UGGT1: variants seen among roughly 807,000 people sequenced by gnomAD.
The protein encoded by UGGT1 is UDP-glucose:glycoprotein glucosyltransferase 1.
UGGT1 carries 107 observed loss-of-function variants against 203.9 expected under a neutral mutation model. The observed-to-expected ratio is 0.52, with a 90% CI of 0.45 to 0.62. The LOEUF (loss-of-function observed/expected upper bound fraction) is 0.62, where lower values mean the gene tolerates loss of function less well. Among genes scored for constraint, UGGT1 ranks in the 20% least tolerant of loss-of-function variants. UGGT1 has a pLI of 0.00. For synonymous variants in UGGT1, 628 were observed against 653.5 expected, an observed-to-expected ratio of 0.96 and a Z score of 0.59; for missense variants, 1,673 against 1,867.2, an observed-to-expected ratio of 0.90 and a Z score of 1.92.
intron 29 of UGGT1, among the ~76,000 whole-genome samples, chr2:128,173,062 G>C (rs1691194160): frequency 6.6e-6 from 1 of 152,044 alleles, no homozygotes; most frequent in African/African-American, 2.4e-5. Flanking sequence ...CCCAGCCCCT[G>C]GCAACTGCTG....
At chr2:128,094,798 G>A (rs1429190165) in intron 1 of UGGT1, among the ~76,000 whole-genome samples, 5 of 145,264 alleles carry the variant, frequency 3.4e-5, no homozygotes, top group Non-Finnish European at 7.4e-5. Flanking sequence ...GCCCAGGCTG[G>A]AGTGCAGTGG....
intron 32 of UGGT1, 89 bp downstream of exon 32, chr2:128,176,987 G>A: frequency 7.6e-7 from 1 of 1,319,916 alleles, no homozygotes; most frequent in Non-Finnish European, 1.1e-6. Flanking sequence ...AGTCTCTTTG[G>A]AATTTGCTAT....
intron 25 of UGGT1, among the ~76,000 whole-genome samples, chr2:128,164,179 C>A (rs1407556557): frequency 6.6e-6 from 1 of 151,960 alleles, no homozygotes; most frequent in Admixed American, 6.6e-5. Context: ...AACAAACAAA[C>A]AAAAATATTG....
chr2:128,168,358 C>T (rs1690900502), intron 26 of UGGT1, among the ~76,000 whole-genome samples: 1 of 152,184 alleles, frequency 6.6e-6, no homozygotes, highest in Non-Finnish European at 1.5e-5. Flanking sequence ...AGATCGAAAG[C>T]ACCTACCTCA....
chr2:128,130,709 A>T (rs1042539870), intron 13 of UGGT1, among the ~76,000 whole-genome samples: 1 of 152,078 alleles, frequency 6.6e-6, no homozygotes, highest in Non-Finnish European at 1.5e-5. Context: ...CTCCTTCCTG[A>T]AGTTCATATC....
chr2:128,164,238 T>G (rs568768764), intron 25 of UGGT1, among the ~76,000 whole-genome samples: 57 of 152,310 alleles, frequency 3.7e-4, no homozygotes, highest in Non-Finnish European at 7.1e-4. Flanking sequence ...ATAATATGTT[T>G]TTAAGTGAAA....
intron 3 of UGGT1, 52 bp downstream of exon 3, chr2:128,104,066 G>GA (rs1558751489): frequency 7.1e-7 from 1 of 1,413,888 alleles, no homozygotes; most frequent in Non-Finnish European, 9.6e-7. Flanking sequence ...AAAATATTAG[G>GA]AAAAAATTGT....
chr2:128,192,321 A>G lies in UGGT1; in HGVS notation c.*2579A>G, dbSNP rs959563906. 8.6e-5 allele frequency: 13 copies of G among 151,474 alleles called. No homozygotes were observed. The highest frequency in any genetic ancestry group is 1.9e-4 in the African/African-American group (8 of 41,184). 9.4% of individuals were successfully genotyped at this position (151,474 alleles called of 1,614,324 possible). Reference sequence around the variant, plus strand: ...ATAATCATCTTTCAAAATTAACCAAATGCCCCAGAAAATGATGTTACCACT... The same window carrying G: ...ATAATCATCTTTCAAAATTAACCAAGTGCCCCAGAAAATGATGTTACCACT... On this transcript the variant is annotated 3_prime_UTR_variant, in exon 41 of 41. Coordinates refer to ENST00000259253, the MANE Select transcript of UGGT1 (RefSeq NM_020120.4).
intron 10 of UGGT1, among the ~76,000 whole-genome samples, chr2:128,122,668 T>C (rs1032063707): frequency 6.6e-6 from 1 of 152,220 alleles, no homozygotes; most frequent in Non-Finnish European, 1.5e-5. Context: ...ACTTGAATGG[T>C]TCCCAGTCAT....
chr2:128,138,895 A>T (rs1308368448), intron 16 of UGGT1, 43 bp downstream of exon 16: 1 of 1,610,192 alleles, frequency 6.2e-7, no homozygotes, highest in Non-Finnish European at 8.5e-7. Context: ...TTCAGATCTA[A>T]CTTACTCTTA....
intron 34 of UGGT1, 127 bp from the exon 35 acceptor site, chr2:128,179,659 G>A (rs142627215): frequency 4.3e-4 from 299 of 692,632 alleles, no homozygotes; most frequent in African/African-American, 4.3e-3. Flanking sequence ...CGTCTCCCTC[G>A]GCCTAATTGA....
At chr2:128,100,029 CA>C (rs70988606) in intron 2 of UGGT1, among the ~76,000 whole-genome samples, 21,936 of 77,076 alleles carry the variant, frequency 0.28, 4,596 homozygotes, top group Non-Finnish European at 0.37. Flanking sequence ...CCCCCCCCCC[CA>C]CCCTACTTAT....
chr2:128,100,916 G>A (rs1687350764), intron 2 of UGGT1, among the ~76,000 whole-genome samples: 1 of 152,198 alleles, frequency 6.6e-6, no homozygotes, highest in African/African-American at 2.4e-5. Flanking sequence ...TCACTGTGAA[G>A]TGGACAGGGT....
At chr2:128,176,358 G>A (rs1691372897) in intron 31 of UGGT1, among the ~76,000 whole-genome samples, 1 of 143,588 alleles carries the variant, frequency 7.0e-6, no homozygotes. Context: ...GTTGCATTGA[G>A]CCGAGATTGC....
intron 5 of UGGT1, among the ~76,000 whole-genome samples, chr2:128,112,471 T>TATATATATATATATATATATATAG (rs1687913072): frequency 7.8e-6 from 1 of 128,952 alleles, no homozygotes; most frequent in African/African-American, 2.7e-5. Flanking sequence ...TATATATATA[T>TATATATATATATATATATATATAG]ATTACATACA....
chr2:128,143,165 T>C lies in UGGT1; in HGVS notation c.1791T>C (p.Tyr597=), dbSNP rs769130116. 19 of 1,613,864 alleles carry C rather than the reference T, an allele frequency of 1.2e-5. No individual in the cohort carries two copies. Among genetic ancestry groups the C allele is most frequent in the Non-Finnish European group, 1.4e-5 (16 of 1,179,966 alleles). The part of the protein sequence containing the change: ...EHVVSVLEKK[Y]PYVEVNSILG... ...TGGTCAGTGTCCTGGAGAAGAAATATCCGTATGTAGAAGTGAATAGCATTT... is the reference window on the plus strand; with the variant it reads ...TGGTCAGTGTCCTGGAGAAGAAATACCCGTATGTAGAAGTGAATAGCATTT... The change falls in exon 17 of 41, where the codon TAT becomes TAC. Residue 597 remains tyrosine, a synonymous_variant. Transcript: ENST00000259253.
At chr2:128,136,161 C>G (rs1689122046) in intron 15 of UGGT1, among the ~76,000 whole-genome samples, 1 of 152,172 alleles carries the variant, frequency 6.6e-6, no homozygotes, top group Admixed American at 6.5e-5. Context: ...ACAGGCTGCT[C>G]TTTCCTTCTT....
At chr2:128,118,614 CATG>C (rs1473633294) in intron 8 of UGGT1, among the ~76,000 whole-genome samples, 1 of 152,096 alleles carries the variant, frequency 6.6e-6, no homozygotes, top group Non-Finnish European at 1.5e-5. Context: ...TTTTGGGTAG[CATG>C]ATGATTTTAT....
chr2:128,174,857 AG>A lies in UGGT1; in HGVS notation c.3539+1del. Reference sequence around the variant, plus strand: ...CTCTGAAGATATTTATAGAATTTACAGGTAGGAGTAAGTGATGCAGTTACAT... The same window carrying A: ...CTCTGAAGATATTTATAGAATTTACAGTAGGAGTAAGTGATGCAGTTACAT... Reference protein sequence around the residue: ...GRSEDIYRIYSHDGTDSPPDA... With the variant: ...GRSEDIYRIYXHDGTDSPPDA... On this transcript the variant is annotated frameshift_variant and splice_region_variant, in exon 31 of 41. Transcript: ENST00000259253. LOFTEE classifies it high-confidence loss of function. 1 of 1,611,470 alleles carries A rather than the reference AG, an allele frequency of 6.2e-7. No individual in the cohort carries two copies. Among genetic ancestry groups the A allele is most frequent in the Non-Finnish European group, 8.5e-7 (1 of 1,178,700 alleles).
Sources: gnomAD v4.1 joint callset for allele counts (sites outside exome capture counted in the v4.1 genomes callset) on GRCh38, gnomAD v4.1.1 for gene constraint, MANE v1.5 for transcripts, NCBI Gene and HGNC (gene_info 2026-07-23, HGNC 2026-07-21) for gene names.